The following SCFD2 variants were observed in gnomAD, a reference collection of about 807,000 sequenced individuals.
The protein encoded by SCFD2 is sec1 family domain-containing protein 2.
SCFD2 carries 54 observed loss-of-function variants against 58.9 expected under a neutral mutation model. The ratio of observed to expected loss-of-function variants is 0.92; its 90% confidence interval spans 0.74 to 1.15. The LOEUF is 1.15. Ranked by LOEUF, SCFD2 falls within the 50% of genes most tolerant of loss-of-function variation. SCFD2 has a pLI of 0.00. For synonymous variants in SCFD2, 321 were observed against 335.9 expected, an observed-to-expected ratio of 0.96 and a Z score of 0.49; for missense variants, 805 against 836.6, an observed-to-expected ratio of 0.96 and a Z score of 0.47.
At chr4:53,279,308 G>T (rs2149075058) in intron 3 of SCFD2, among the ~76,000 whole-genome samples, 1 of 152,174 alleles carries the variant, frequency 6.6e-6, no homozygotes, top group Middle Eastern at 3.4e-3. Context: ...TCTTTGTAGA[G>T]ACAAGGTCTT....
intron 2 of SCFD2, among the ~76,000 whole-genome samples, chr4:53,326,357 G>A (rs1158719584): frequency 6.6e-6 from 1 of 152,066 alleles, no homozygotes; most frequent in African/African-American, 2.4e-5. Flanking sequence ...TGCCTAGCCT[G>A]GTCTCGAACT....
At chr4:52,955,716 A>G (rs1298367353) in intron 5 of SCFD2, among the ~76,000 whole-genome samples, 2 of 152,256 alleles carry the variant, frequency 1.3e-5, no homozygotes, top group East Asian at 3.8e-4. Context: ...AGACCCCAGC[A>G]GCAGATTCTA....
chr4:52,954,338 C>A (rs1720664452), intron 5 of SCFD2, among the ~76,000 whole-genome samples: 1 of 152,180 alleles, frequency 6.6e-6, no homozygotes, highest in South Asian at 2.1e-4. Flanking sequence ...TTAGCCTCAT[C>A]TTCCCATCTT....
intron 7 of SCFD2, among the ~76,000 whole-genome samples, chr4:52,901,284 C>A (rs1442123197): frequency 2.0e-5 from 3 of 152,186 alleles, no homozygotes; most frequent in Non-Finnish European, 4.4e-5. Context: ...CATCTTGGCT[C>A]CACCCCCGGC....
At chr4:53,147,131 C>A (rs1056268732) in intron 4 of SCFD2, among the ~76,000 whole-genome samples, 2 of 152,076 alleles carry the variant, frequency 1.3e-5, no homozygotes, top group Admixed American at 6.6e-5. Context: ...CTAGCCTGCA[C>A]AACAGAGCAA....
At chr4:53,168,648 T>C (rs1406184923) in intron 4 of SCFD2, among the ~76,000 whole-genome samples, 2 of 152,242 alleles carry the variant, frequency 1.3e-5, no homozygotes, top group Non-Finnish European at 1.5e-5. Context: ...TACATATTTA[T>C]TGGGTACAAA....
At chr4:53,173,413 G>T (rs1481229710) in intron 4 of SCFD2, among the ~76,000 whole-genome samples, 2 of 151,982 alleles carry the variant, frequency 1.3e-5, no homozygotes, top group Non-Finnish European at 2.9e-5. Flanking sequence ...GCTGTTTTTT[G>T]ATTTCCATTT....
chr4:53,181,651 G>A (rs550057018), intron 4 of SCFD2, among the ~76,000 whole-genome samples: 2 of 152,120 alleles, frequency 1.3e-5, no homozygotes, highest in African/African-American at 4.8e-5. Context: ...GGAAGTTCTG[G>A]CCAGGGCAAT....
At chr4:53,301,459 T>C (rs566621857) in intron 3 of SCFD2, among the ~76,000 whole-genome samples, 2 of 151,762 alleles carry the variant, frequency 1.3e-5, no homozygotes, top group Admixed American at 6.6e-5. Context: ...CAATAATTAA[T>C]AGCTTACCAA....
intron 4 of SCFD2, among the ~76,000 whole-genome samples, chr4:53,185,299 C>A (rs1727703392): frequency 6.6e-6 from 1 of 152,034 alleles, no homozygotes; most frequent in African/African-American, 2.4e-5. Flanking sequence ...TACTTGGCAC[C>A]AGGAAACCAA....
intron 3 of SCFD2, among the ~76,000 whole-genome samples, chr4:53,304,984 AG>A (rs1732467087): frequency 1.3e-5 from 2 of 151,942 alleles, no homozygotes; most frequent in Admixed American, 6.6e-5. Flanking sequence ...TGGTCTTTGA[AG>A]TTGGTGACCT....
intron 5 of SCFD2, among the ~76,000 whole-genome samples, chr4:53,138,020 T>G (rs1725993734): frequency 6.6e-6 from 1 of 152,112 alleles, no homozygotes; most frequent in Non-Finnish European, 1.5e-5. Context: ...CTTACCTCAA[T>G]CTACTATGCA....
chr4:53,114,873 T>C (rs1218667130), intron 5 of SCFD2, among the ~76,000 whole-genome samples: 1 of 152,118 alleles, frequency 6.6e-6, no homozygotes, highest in African/African-American at 2.4e-5. Context: ...TAGAGATATA[T>C]GAGTAATGTT....
chr4:53,254,587 C>T (rs2149044650), intron 4 of SCFD2, among the ~76,000 whole-genome samples: 1 of 151,564 alleles, frequency 6.6e-6, no homozygotes, highest in East Asian at 1.9e-4. Context: ...GATCCACCCA[C>T]CTCAGCCTCC....
chr4:53,207,692 G>A (rs764455765), intron 4 of SCFD2, among the ~76,000 whole-genome samples: 5 of 51,576 alleles, frequency 9.7e-5, no homozygotes, highest in Non-Finnish European at 1.4e-4. Flanking sequence ...TGAATCATGG[G>A]GGCAGATTTC....
At chr4:52,973,632 C>A (rs1721170414) in intron 5 of SCFD2, among the ~76,000 whole-genome samples, 1 of 152,148 alleles carries the variant, frequency 6.6e-6, no homozygotes, top group Non-Finnish European at 1.5e-5. Context: ...CTATTCCAAT[C>A]AACAGAAAAA....
rs542432986 is a variant in SCFD2 at position 53,193,791 on chromosome 4, A to G, written c.1312-48209T>C. On this transcript the variant is annotated intron_variant, in intron 4 of 8. Coordinates refer to ENST00000401642, the MANE Select transcript of SCFD2 (RefSeq NM_152540.4). ...TTTCTATCACCGTTGTTTTTAAAAT[A>G]TTTTATTCTTATCAAAGTAAAATAT... Among the ~76,000 whole-genome samples, 16 of 152,312 alleles carry G rather than the reference A, an allele frequency of 1.1e-4. No homozygotes were observed. The South Asian group carries it at 1.2e-3, about 12-fold the overall frequency.
chr4:52,988,107 GAGA>G lies in SCFD2; in HGVS notation c.1562-67240_1562-67238del, dbSNP rs748917291. 6.6e-5 allele frequency among the ~76,000 whole-genome samples: 10 copies of G among 152,316 alleles called. No homozygotes were observed. In the East Asian group the frequency reaches 9.7e-4, roughly 15 times the overall value. On this transcript the variant is annotated intron_variant, in intron 5 of 8. Coordinates refer to ENST00000401642, the MANE Select transcript of SCFD2 (RefSeq NM_152540.4). ...ACCTACAATTCATCAGCTGTGGGAG[GAGA>G]AGGAGAAACCTTATGTGAGGGAGAG...
At chr4:53,190,639 T>C (rs1338278083) in intron 4 of SCFD2, among the ~76,000 whole-genome samples, 2 of 152,234 alleles carry the variant, frequency 1.3e-5, no homozygotes, top group African/African-American at 2.4e-5. Flanking sequence ...TCTATCTGTC[T>C]TCCCATACTA....
Sources: gnomAD v4.1 joint callset for allele counts (sites outside exome capture counted in the v4.1 genomes callset) on GRCh38, gnomAD v4.1.1 for gene constraint, MANE v1.5 for transcripts, NCBI Gene and HGNC (gene_info 2026-07-23, HGNC 2026-07-21) for gene names.